The following FRMD3 variants were observed in gnomAD, a reference collection of about 807,000 sequenced individuals.
FRMD3 encodes FERM domain-containing protein 3.
A neutral mutation model predicts 70.2 loss-of-function variants in FRMD3; 33 were observed. That is an observed-to-expected ratio of 0.47 (90% confidence interval 0.36 to 0.63). The LOEUF is 0.63. Ranked by LOEUF, FRMD3 falls within the 20% of genes least tolerant of loss-of-function variation. FRMD3 has a pLI of 0.00. For synonymous variants in FRMD3, 279 were observed against 255.9 expected, an observed-to-expected ratio of 1.09 and a Z score of -0.86; for missense variants, 632 against 711.4, an observed-to-expected ratio of 0.89 and a Z score of 1.27.
At chr9:83,463,933 G>C (rs1234790079) in intron 1 of FRMD3, among the ~76,000 whole-genome samples, 1 of 152,146 alleles carries the variant, frequency 6.6e-6, no homozygotes, top group East Asian at 1.9e-4. Context: ...CATCTCATAA[G>C]AATTGATTCA....
At position 83,521,421 on chromosome 9, in the gene FRMD3, G is replaced by A. The variant is rs145582029; in HGVS notation, c.147+16664C>T. The stretch of plus-strand genomic sequence containing the variant: ...GGATCACTTGAGCCCAGGAATTCAA[G>A]GCCGCAGTGAGCTATGATGGCGCCA... On this transcript the variant is annotated intron_variant, in intron 1 of 13. Transcript: ENST00000304195. Among the ~76,000 whole-genome samples, 734 of 152,320 alleles carry A rather than the reference G, an allele frequency of 4.8e-3. 4 individuals are homozygous for A. Among genetic ancestry groups the A allele is most frequent in the African/African-American group, 0.017 (691 of 41,570 alleles).
At chr9:83,506,940 C>T (rs1465627888) in intron 1 of FRMD3, among the ~76,000 whole-genome samples, 1 of 152,064 alleles carries the variant, frequency 6.6e-6, no homozygotes, top group Non-Finnish European at 1.5e-5. Flanking sequence ...ATCTAAGACA[C>T]AGACACATTA....
In FRMD3 at chr9:83,244,732, A is replaced by G. The variant is rs1443600971; in HGVS notation, c.*3186T>C. The G allele has an allele frequency of 1.0e-5, 10 of 985,078 alleles. No individual in the cohort carries two copies. Among genetic ancestry groups the G allele is most frequent in the Admixed American group, 6.1e-5 (1 of 16,270 alleles). 61.0% of individuals were successfully genotyped at this position (985,078 alleles called of 1,614,324 possible). A position where few individuals can be genotyped will look rare whatever the true frequency, so the allele number is the denominator to read the frequency against. On this transcript the variant is annotated 3_prime_UTR_variant, in exon 14 of 14. Transcript: ENST00000304195. ...TTCACTATACAAAGGTAAGGCTCCA[A>G]TCACAGTAACATGGCCCCCATATCT...
chr9:83,377,765 T>C (rs922760481), intron 2 of FRMD3, among the ~76,000 whole-genome samples: 2 of 152,184 alleles, frequency 1.3e-5, no homozygotes, highest in Non-Finnish European at 2.9e-5. Flanking sequence ...ATGAGCCAAC[T>C]AAACCTGTTT....
At chr9:83,522,065 G>A (rs1829582858) in intron 1 of FRMD3, among the ~76,000 whole-genome samples, 1 of 152,124 alleles carries the variant, frequency 6.6e-6, no homozygotes, top group African/African-American at 2.4e-5. Flanking sequence ...CAAGGAAGGG[G>A]GTGTGGGACG....
intron 1 of FRMD3, among the ~76,000 whole-genome samples, chr9:83,485,527 C>A (rs773057665): frequency 1.3e-5 from 2 of 152,200 alleles, no homozygotes; most frequent in Non-Finnish European, 2.9e-5. Flanking sequence ...AGAGACACAT[C>A]ATGTCTCACA....
chr9:83,563,798 C>T, the FRMD3 span, among the ~76,000 whole-genome samples: 3 of 152,254 alleles, frequency 2.0e-5, no homozygotes, highest in East Asian at 5.8e-4. Context: ...CTGGTCAATA[C>T]CTCAAAACAT....
At chr9:83,392,896 C>T (rs1247903950) in intron 1 of FRMD3, among the ~76,000 whole-genome samples, 3 of 152,006 alleles carry the variant, frequency 2.0e-5, no homozygotes, top group South Asian at 2.1e-4. Context: ...AGCAGCTCTA[C>T]GTGCAGTACT....
intron 3 of FRMD3, among the ~76,000 whole-genome samples, chr9:83,357,241 AC>A (rs59144785): frequency 0.049 from 345 of 7,058 alleles, 54 homozygotes; most frequent in East Asian, 0.17. Context: ...TATATATAAT[AC>A]ATACATATAT....
chr9:83,249,677 G>T (rs1393673498), intron 13 of FRMD3, among the ~76,000 whole-genome samples: 1 of 152,090 alleles, frequency 6.6e-6, no homozygotes, highest in Non-Finnish European at 1.5e-5. Flanking sequence ...TATACAAAAG[G>T]TCAACAAGCA....
chr9:83,548,515 A>G, the FRMD3 span, among the ~76,000 whole-genome samples: 1 of 152,216 alleles, frequency 6.6e-6, no homozygotes, highest in Non-Finnish European at 1.5e-5. Context: ...ATAACATACT[A>G]GGAAAGGCAA....
chr9:83,446,457 C>T (rs1827467483), intron 1 of FRMD3, among the ~76,000 whole-genome samples: 1 of 152,028 alleles, frequency 6.6e-6, no homozygotes, highest in Non-Finnish European at 1.5e-5. Context: ...ACCATCCTGG[C>T]TAACACGGTG....
intron 12 of FRMD3, chr9:83,297,649 T>G (rs1280126948): frequency 6.8e-6 from 3 of 443,062 alleles, no homozygotes; most frequent in Non-Finnish European, 9.3e-6. Context: ...GTGGGCAGGC[T>G]GCACTTTCAG....
chr9:83,479,013 A>G (rs999506954), intron 1 of FRMD3, among the ~76,000 whole-genome samples: 4 of 152,204 alleles, frequency 2.6e-5, no homozygotes, highest in African/African-American at 4.8e-5. Flanking sequence ...ATAATTGAAT[A>G]AAAGAATGAA....
upstream of FRMD3, among the ~76,000 whole-genome samples, chr9:83,539,203 C>A (rs1045514189): frequency 6.6e-6 from 1 of 152,166 alleles, no homozygotes; most frequent in Non-Finnish European, 1.5e-5. Flanking sequence ...AGCGGATGTG[C>A]CCCATCCCGT....
intron 5 of FRMD3, among the ~76,000 whole-genome samples, chr9:83,337,588 T>C (rs962895077): frequency 6.6e-6 from 1 of 151,826 alleles, no homozygotes; most frequent in Non-Finnish European, 1.5e-5. Context: ...CCCAGGAGAG[T>C]AGACTAAAGA....
chr9:83,363,587 G>GCT (rs1344293739), intron 3 of FRMD3, among the ~76,000 whole-genome samples: 4 of 123,918 alleles, frequency 3.2e-5, no homozygotes, highest in South Asian at 2.5e-4. Context: ...ACGGAGTCTC[G>GCT]CTGTCGCCCA....
chr9:83,274,996 A>G (rs1304008793), intron 13 of FRMD3, among the ~76,000 whole-genome samples: 1 of 152,212 alleles, frequency 6.6e-6, no homozygotes, highest in East Asian at 1.9e-4. Context: ...AGCTGTGTAC[A>G]TAGTGATGTC....
At chr9:83,433,591 A>G (rs1433698778) in intron 1 of FRMD3, among the ~76,000 whole-genome samples, 2 of 152,234 alleles carry the variant, frequency 1.3e-5, no homozygotes, top group Non-Finnish European at 2.9e-5. Context: ...ATTGTAATAC[A>G]TAATGAAATA....
Sources: allele counts gnomAD v4.1 joint callset (sites outside exome capture counted in the v4.1 genomes callset), GRCh38; gene constraint gnomAD v4.1.1; transcripts MANE v1.5; gene names NCBI Gene and HGNC (gene_info 2026-07-23, HGNC 2026-07-21).